PLCB4: variants seen among roughly 807,000 people sequenced by gnomAD.
The protein encoded by PLCB4 is 1-phosphatidylinositol 4,5-bisphosphate phosphodiesterase beta-4.
In PLCB4, 77 loss-of-function variants were observed where a neutral mutation model predicts 178.8. The ratio of observed to expected loss-of-function variants is 0.43; its 90% CI spans 0.36 to 0.52. The LOEUF (loss-of-function observed/expected upper bound fraction) is 0.52, where lower values mean the gene tolerates loss of function less well. Ranked by LOEUF, PLCB4 falls within the 20% of genes least tolerant of loss-of-function variation. The pLI, the probability that PLCB4 is intolerant of heterozygous loss-of-function variation, is 0.00. For synonymous variants in PLCB4, 496 were observed against 490.8 expected, an observed-to-expected ratio of 1.01 and a Z score of -0.14; for missense variants, 1,024 against 1,453.4, an observed-to-expected ratio of 0.70 and a Z score of 4.80.
Position 9,472,844 on chromosome 20 carries a change from G to A in PLCB4, c.3405G>A (p.Lys1135=). Residue 1135 remains lysine, a synonymous_variant, in exon 37 of 40, where the codon AAG becomes AAA. Coordinates refer to ENST00000378473, the MANE Select transcript of PLCB4 (RefSeq NM_001377142.1). ...SNTKKFLEER[K]RLAMKQSKEM... ...CTAAAAAGTTTCTGGAAGAAAGAAA[G>A]AGAGTAAGTATTTTATTATATTTTT... is the stretch of plus-strand genomic sequence containing the variant. The A allele has an allele frequency of 6.4e-7, 1 of 1,572,404 alleles. No homozygotes were observed. The highest frequency in any genetic ancestry group is 8.7e-7 in the Non-Finnish European group (1 of 1,146,410).
chr20:9,165,793 TTGTG>T (rs3036061), intron 2 of PLCB4, among the ~76,000 whole-genome samples: 12,413 of 139,626 alleles, frequency 0.089, 600 homozygotes, highest in East Asian at 0.19. Flanking sequence ...CTGGGGCTGT[TTGTG>T]TGTGTGTGTG....
chr20:9,083,910 C>A (rs973982180), intron 1 of PLCB4, among the ~76,000 whole-genome samples: 2 of 152,186 alleles, frequency 1.3e-5, no homozygotes, highest in Non-Finnish European at 2.9e-5. Context: ...AAATAAATTT[C>A]TGTTGTTTAA....
intron 24 of PLCB4, among the ~76,000 whole-genome samples, chr20:9,409,862 C>A (rs1350588202): frequency 6.6e-6 from 1 of 151,920 alleles, no homozygotes; most frequent in African/African-American, 2.4e-5. Context: ...AGTATCAAGA[C>A]TAGAGGTAGC....
At chr20:9,258,736 A>T (rs1001303432) in intron 3 of PLCB4, among the ~76,000 whole-genome samples, 1 of 150,796 alleles carries the variant, frequency 6.6e-6, no homozygotes, top group Non-Finnish European at 1.5e-5. Flanking sequence ...AAAAAAAAAA[A>T]GATAATTTCT....
chr20:9,155,635 T>C (rs1374699992), intron 2 of PLCB4, among the ~76,000 whole-genome samples: 1 of 152,196 alleles, frequency 6.6e-6, no homozygotes, highest in Non-Finnish European at 1.5e-5. Context: ...GTTGATGGGA[T>C]TAAATCAGTT....
chr20:9,149,562 A>G (rs1328534068), intron 2 of PLCB4, among the ~76,000 whole-genome samples: 1 of 151,550 alleles, frequency 6.6e-6, no homozygotes, highest in Non-Finnish European at 1.5e-5. Context: ...CACGTTATGC[A>G]GTTTATTTCA....
At chr20:9,428,854 A>G (rs935957341) in intron 28 of PLCB4, among the ~76,000 whole-genome samples, 13 of 152,318 alleles carry the variant, frequency 8.5e-5, no homozygotes, top group African/African-American at 2.6e-4. Flanking sequence ...ACGAAAATCA[A>G]CTGAGTTCTC....
At chr20:9,200,405 C>T (rs1214538567) in intron 2 of PLCB4, among the ~76,000 whole-genome samples, 1 of 152,162 alleles carries the variant, frequency 6.6e-6, no homozygotes, top group Non-Finnish European at 1.5e-5. Context: ...ATCACTCATT[C>T]AGACTCTTGC....
chr20:9,171,935 A>T lies in PLCB4; in HGVS notation c.-78-45455A>T, dbSNP rs984349126. Reference sequence around the variant, plus strand: ...TGCAGAGGCCACTGTCTCTGCAAACATGATAAACCTCATTTTCCCCTTCCC... The same window carrying T: ...TGCAGAGGCCACTGTCTCTGCAAACTTGATAAACCTCATTTTCCCCTTCCC... On this transcript the variant is annotated intron_variant, in intron 2 of 39. Coordinates refer to ENST00000378473, the MANE Select transcript of PLCB4 (RefSeq NM_001377142.1). 1.3e-5 allele frequency among the ~76,000 whole-genome samples: 2 copies of T among 152,192 alleles called. 1 individual carries two copies. The highest frequency in any genetic ancestry group is 1.3e-4 in the Admixed American group (2 of 15,280).
intron 1 of PLCB4, among the ~76,000 whole-genome samples, chr20:9,086,762 T>C (rs576138990): frequency 2.0e-5 from 3 of 152,286 alleles, no homozygotes; most frequent in Non-Finnish European, 2.9e-5. Flanking sequence ...GCACCGATCA[T>C]AGGGAAAAGG....
intron 4 of PLCB4, 40 bp from the exon 5 acceptor site, chr20:9,337,086 T>C (rs748952488): frequency 1.6e-6 from 2 of 1,268,528 alleles, no homozygotes; most frequent in Admixed American, 1.7e-5. Flanking sequence ...AGATTCAAAA[T>C]GGTGTGAGTC....
At chr20:9,461,102 C>G (rs1349941813) in intron 35 of PLCB4, among the ~76,000 whole-genome samples, 1 of 152,192 alleles carries the variant, frequency 6.6e-6, no homozygotes, top group East Asian at 1.9e-4. Context: ...TCACGGAATA[C>G]AGCATGGCAC....
intron 36 of PLCB4, among the ~76,000 whole-genome samples, chr20:9,469,083 C>T (rs545803871): frequency 4.6e-5 from 7 of 151,878 alleles, no homozygotes; most frequent in Non-Finnish European, 7.4e-5. Context: ...TGGGTTTGAG[C>T]GATTCTCCTG....
At chr20:9,190,839 G>A (rs2093393170) in intron 2 of PLCB4, among the ~76,000 whole-genome samples, 1 of 152,140 alleles carries the variant, frequency 6.6e-6, no homozygotes, top group Non-Finnish European at 1.5e-5. Flanking sequence ...TTTACAATAA[G>A]AGGACCCTGA....
At position 9,479,524 on chromosome 20, in the gene PLCB4, C is replaced by T. The variant is rs1215645426; in HGVS notation, c.*515C>T. 1 of 155,326 alleles carries T rather than the reference C, an allele frequency of 6.4e-6. No homozygotes were observed. Among genetic ancestry groups the T allele is most frequent in the African/African-American group, 2.4e-5 (1 of 41,458 alleles). 9.6% of individuals were successfully genotyped at this position (155,326 alleles called of 1,614,324 possible). A position where few individuals can be genotyped will look rare whatever the true frequency, so the allele number is the denominator to read the frequency against. ...GTTACCTCATCAGTAAGTGCCATGTCTCTACCATGCCATCAGAGGCTAATT... is the reference window on the plus strand; with the variant it reads ...GTTACCTCATCAGTAAGTGCCATGTTTCTACCATGCCATCAGAGGCTAATT... On this transcript the variant is annotated 3_prime_UTR_variant, in exon 40 of 40. Coordinates refer to ENST00000378473, the MANE Select transcript of PLCB4 (RefSeq NM_001377142.1).
At chr20:9,152,264 G>A (rs1311572719) in intron 2 of PLCB4, among the ~76,000 whole-genome samples, 3 of 152,184 alleles carry the variant, frequency 2.0e-5, no homozygotes, top group Non-Finnish European at 2.9e-5. Context: ...GGAGCCTAAT[G>A]TTAATCCCCA....
intron 1 of PLCB4, among the ~76,000 whole-genome samples, chr20:9,094,774 C>T (rs1399940851): frequency 6.6e-6 from 1 of 152,168 alleles, no homozygotes; most frequent in Non-Finnish European, 1.5e-5. Flanking sequence ...CCAGTTGTTA[C>T]TATGTCATAG....
At chr20:9,096,257 G>A (rs546962041) in intron 1 of PLCB4, 30 bp from the exon 2 acceptor site, 2 of 152,222 alleles carry the variant, frequency 1.3e-5, no homozygotes, top group Admixed American at 1.3e-4. Flanking sequence ...GTTACTAGTA[G>A]GTAGTTTTTC....
chr20:9,311,021 TA>T (rs1441230728), intron 4 of PLCB4, among the ~76,000 whole-genome samples: 1 of 152,204 alleles, frequency 6.6e-6, no homozygotes, highest in African/African-American at 2.4e-5. Context: ...AAGTGATGCT[TA>T]ACATTAAATC....
Sources: allele counts gnomAD v4.1 joint callset (sites outside exome capture counted in the v4.1 genomes callset), GRCh38; gene constraint gnomAD v4.1.1; transcripts MANE v1.5; gene names NCBI Gene and HGNC (gene_info 2026-07-23, HGNC 2026-07-21).